Variants in DAB1 observed in about 807,000 individuals in gnomAD.
DAB1 encodes the protein disabled homolog 1.
A neutral mutation model predicts 64.6 loss-of-function variants in DAB1; 15 were observed. The ratio of observed to expected loss-of-function variants is 0.23; its 90% CI spans 0.16 to 0.36. The LOEUF is 0.36. Among genes scored for constraint, DAB1 ranks in the 10% least tolerant of loss-of-function variants. The pLI is 1.00. For missense variants in DAB1, 596 were observed against 706.7 expected (o/e 0.84, Z 1.78); for synonymous variants, 235 against 251.9 (o/e 0.93, Z 0.64).
intron 7 of DAB1, among the ~76,000 whole-genome samples, chr1:57,458,161 T>C (rs1017812287): frequency 2.2e-4 from 34 of 152,206 alleles, no homozygotes; most frequent in Non-Finnish European, 4.4e-4. Flanking sequence ...GTAGCACATA[T>C]GTATACATAC....
At chr1:58,080,163 C>T (rs897282180) in intron 5 of DAB1, 3 of 152,214 alleles carry the variant, frequency 2.0e-5, no homozygotes, top group African/African-American at 7.2e-5. Flanking sequence ...CAACCATTGT[C>T]CACACTTCAG....
intron 1 of DAB1, among the ~76,000 whole-genome samples, chr1:57,372,519 C>G (rs569460610): frequency 6.6e-6 from 1 of 152,190 alleles, no homozygotes; most frequent in South Asian, 2.1e-4. Flanking sequence ...TGAGGCCCAA[C>G]TCATATTTAT....
intron 7 of DAB1, among the ~76,000 whole-genome samples, chr1:57,634,523 G>A (rs11207080): frequency 0.24 from 36,839 of 152,140 alleles, 4,802 homozygotes; most frequent in Admixed American, 0.34. Context: ...CTGCAGATAT[G>A]AAACCTAACC....
At chr1:58,544,307 T>C (rs1646667561) in intron 1 of DAB1, among the ~76,000 whole-genome samples, 1 of 152,114 alleles carries the variant, frequency 6.6e-6, no homozygotes, top group Admixed American at 6.5e-5. Context: ...CACTAAATGC[T>C]AGGCACCATA....
At chr1:57,236,281 CA>C (rs910031681) in intron 2 of DAB1, among the ~76,000 whole-genome samples, 2 of 152,160 alleles carry the variant, frequency 1.3e-5, no homozygotes, top group African/African-American at 4.8e-5. Context: ...GCAGGGGATT[CA>C]AATGTGACTA....
intron 5 of DAB1, among the ~76,000 whole-genome samples, chr1:57,972,057 T>C (rs1645809460): frequency 6.6e-6 from 1 of 152,172 alleles, no homozygotes. Flanking sequence ...CAGATGATAG[T>C]ATTTTAAAAC....
intron 4 of DAB1, among the ~76,000 whole-genome samples, chr1:58,205,425 T>A (rs1338992800): frequency 6.6e-6 from 1 of 152,230 alleles, no homozygotes; most frequent in African/African-American, 2.4e-5. Flanking sequence ...TGCAAGAATG[T>A]GTGATTTTCA....
intron 4 of DAB1, among the ~76,000 whole-genome samples, chr1:58,258,278 T>C (rs1349983322): frequency 6.6e-6 from 1 of 152,252 alleles, no homozygotes; most frequent in Admixed American, 6.5e-5. Context: ...TTCTGTTTAC[T>C]CTGCCTCCCT....
intron 5 of DAB1, among the ~76,000 whole-genome samples, chr1:57,964,511 T>C (rs1645603454): frequency 6.6e-6 from 1 of 152,172 alleles, no homozygotes; most frequent in South Asian, 2.1e-4. Context: ...GATTTGAACC[T>C]AGGCCTATTT....
intron 2 of DAB1, among the ~76,000 whole-genome samples, chr1:57,239,445 A>G (rs959321479): frequency 6.6e-6 from 1 of 152,232 alleles, no homozygotes; most frequent in East Asian, 1.9e-4. Flanking sequence ...TCCTGTGCCT[A>G]GAATGGGGCC....
At chr1:57,283,115 T>C (rs905562945) in intron 2 of DAB1, among the ~76,000 whole-genome samples, 2 of 152,212 alleles carry the variant, frequency 1.3e-5, no homozygotes, top group African/African-American at 4.8e-5. Flanking sequence ...TCTGCAAACA[T>C]TATTTTCTTA....
intron 4 of DAB1, among the ~76,000 whole-genome samples, chr1:58,179,111 T>C (rs530186295): frequency 9.9e-5 from 15 of 151,810 alleles, no homozygotes; most frequent in Admixed American, 3.3e-4. Context: ...TGTCCTTTAA[T>C]GTATTAATAT....
intron 1 of DAB1, among the ~76,000 whole-genome samples, chr1:58,545,578 G>A (rs1056717988): frequency 3.3e-5 from 5 of 152,138 alleles, no homozygotes; most frequent in African/African-American, 7.2e-5. Flanking sequence ...ATAGCTGGCA[G>A]ACTTCTAGGA....
intron 7 of DAB1, among the ~76,000 whole-genome samples, chr1:57,472,900 C>CA (rs1364590000): frequency 1.3e-5 from 2 of 152,100 alleles, no homozygotes; most frequent in Admixed American, 6.5e-5. Flanking sequence ...GATTCTGCAG[C>CA]AAAAAATGCA....
chr1:58,022,482 A>C (rs921036759), intron 5 of DAB1, among the ~76,000 whole-genome samples: 2 of 152,170 alleles, frequency 1.3e-5, no homozygotes, highest in African/African-American at 4.8e-5. Flanking sequence ...CAGGAACTTC[A>C]GGCAAGTCCC....
intron 3 of DAB1, among the ~76,000 whole-genome samples, chr1:58,398,161 T>G (rs1276523736): frequency 1.3e-5 from 2 of 152,220 alleles, no homozygotes; most frequent in African/African-American, 4.8e-5. Context: ...GCAGTGAGTC[T>G]GAAGAGACTC....
At chr1:57,529,800 A>T (rs1223840235) in intron 7 of DAB1, among the ~76,000 whole-genome samples, 1 of 152,174 alleles carries the variant, frequency 6.6e-6, no homozygotes, top group Non-Finnish European at 1.5e-5. Flanking sequence ...TTGTAATTGT[A>T]ACTCTCACTC....
intron 2 of DAB1, among the ~76,000 whole-genome samples, chr1:57,283,964 A>G (rs558989659): frequency 1.1e-3 from 161 of 152,328 alleles, no homozygotes; most frequent in African/African-American, 3.7e-3. Flanking sequence ...GAGAAGTTGT[A>G]TATTCCAGAG....
At chr1:58,134,610 A>C (rs930699505) in intron 5 of DAB1, among the ~76,000 whole-genome samples, 3 of 152,220 alleles carry the variant, frequency 2.0e-5, no homozygotes, top group African/African-American at 7.2e-5. Context: ...TCATGACAGA[A>C]GGTAAAGGAG....
Sources: gnomAD v4.1 joint callset for allele counts (sites outside exome capture counted in the v4.1 genomes callset) on GRCh38, gnomAD v4.1.1 for gene constraint, MANE v1.5 for transcripts, NCBI Gene and HGNC (gene_info 2026-07-23, HGNC 2026-07-21) for gene names.